Variants in BRI3BP observed in about 807,000 individuals in gnomAD.
BRI3BP encodes the protein BRI3-binding protein.
BRI3BP carries 7 observed loss-of-function variants against 15.8 expected under a neutral mutation model. The observed-to-expected ratio is 0.44, with a 90% CI of 0.25 to 0.83. The LOEUF is 0.83. BRI3BP is among the 40% of genes least tolerant of loss of function. The probability of loss-of-function intolerance (pLI) is 0.20; values close to 1 mark genes in which losing one functional copy is unlikely to be tolerated. For missense variants in BRI3BP, 320 were observed against 339.3 expected, an observed-to-expected ratio of 0.94 and a Z score of 0.45; for synonymous variants, 192 against 163.5, an observed-to-expected ratio of 1.17 and a Z score of -1.33.
Position 124,993,930 on chromosome 12 carries a change from G to A in BRI3BP, c.140G>A (p.Arg47His). Residue 47 changes from arginine (R) to histidine (H), a missense_variant, in exon 1 of 3, where the codon CGC becomes CAC. Physicochemically the swap from Arg to His is conservative, Grantham distance 29 (BLOSUM62 0). Coordinates refer to ENST00000341446, the MANE Select transcript of BRI3BP (RefSeq NM_080626.6). ...GRGGAEKNSY[R>H]RTVNTFSQSV... ...GGCGGCGCGGAGAAGAACAGCTACC[G>A]CCGCACGGTCAACACCTTCTCCCAG... The A allele has an allele frequency of 7.4e-7, 1 of 1,349,122 alleles. No homozygotes were observed. 83.6% of individuals were successfully genotyped at this position (1,349,122 alleles called of 1,614,324 possible).
At chr12:125,049,441 C>A in the BRI3BP span, among the ~76,000 whole-genome samples, 3 of 152,012 alleles carry the variant, frequency 2.0e-5, no homozygotes, top group Non-Finnish European at 4.4e-5. Context: ...AATAAACATC[C>A]CCCAGGTACT....
In BRI3BP at chr12:125,030,830, T is replaced by G. The variant is rs773242770; in HGVS notation, c.*5400T>G. The G allele has an allele frequency of 2.6e-5, 4 of 152,226 alleles. No homozygotes were observed. Among genetic ancestry groups the G allele is most frequent in the Non-Finnish European group, 4.4e-5 (3 of 68,052 alleles). The allele number at this position is 152,226 out of a possible 1,614,324, so 9.4% of individuals were successfully genotyped here. A position where few individuals can be genotyped will look rare whatever the true frequency, so the allele number is the denominator to read the frequency against. The stretch of plus-strand genomic sequence containing the variant: ...TTAACTGGAAATCACACTTGTGAGG[T>G]ATGGTATCCATTATCAACAGTGGAT... On this transcript the variant is annotated 3_prime_UTR_variant, in exon 3 of 3. Coordinates refer to ENST00000341446, the MANE Select transcript of BRI3BP (RefSeq NM_080626.6).
At position 125,022,541 on chromosome 12, in the gene BRI3BP, A is replaced by ATTTATTTATTTATTTATTTT; in HGVS notation, c.317-2447_317-2446insATTTATTTATTTATTTTTTT. ...TTATTATTTATTTATTTATTTATTTATTTTTTGAGACAGAGCCTCACTGTG... is the reference window on the plus strand; with the variant it reads ...TTATTATTTATTTATTTATTTATTTATTTATTTATTTATTTATTTTTTTTTTGAGACAGAGCCTCACTGTG... On this transcript the variant is annotated intron_variant, in intron 2 of 2. Transcript: ENST00000341446. Among the ~76,000 whole-genome samples the ATTTATTTATTTATTTATTTT allele has an allele frequency of 6.4e-3, 899 of 139,410 alleles. 15 individuals are homozygous for ATTTATTTATTTATTTATTTT. Among genetic ancestry groups the ATTTATTTATTTATTTATTTT allele is most frequent in the African/African-American group, 0.024 (842 of 34,508 alleles). 91.5% of individuals were successfully genotyped at this position (139,410 alleles called of 152,430 possible).
chr12:125,048,508 C>T, the BRI3BP span, among the ~76,000 whole-genome samples: 2 of 149,482 alleles, frequency 1.3e-5, no homozygotes, highest in Non-Finnish European at 3.0e-5. Flanking sequence ...AATGAGAACA[C>T]ATGGACACAG....
chr12:125,001,721 T>C (rs1239909258), intron 1 of BRI3BP, among the ~76,000 whole-genome samples: 1 of 134,626 alleles, frequency 7.4e-6, no homozygotes, highest in Non-Finnish European at 1.6e-5. Context: ...GATCACAGAC[T>C]AAATGTCTTT....
chr12:125,003,003 CTG>C (rs1955109122), intron 1 of BRI3BP, among the ~76,000 whole-genome samples: 1 of 152,184 alleles, frequency 6.6e-6, no homozygotes, highest in Non-Finnish European at 1.5e-5. Context: ...CCTTTCCCCT[CTG>C]TGGTTCATAC....
chr12:124,996,484 C>G (rs1047625285), intron 1 of BRI3BP, among the ~76,000 whole-genome samples: 2 of 151,762 alleles, frequency 1.3e-5, no homozygotes, highest in East Asian at 3.9e-4. Context: ...CCACCACATC[C>G]GGCTAATTTT....
intron 1 of BRI3BP, among the ~76,000 whole-genome samples, chr12:124,994,809 G>A (rs1955027345): frequency 6.6e-6 from 1 of 152,210 alleles, no homozygotes; most frequent in Non-Finnish European, 1.5e-5. Context: ...TCCCTGGGGA[G>A]GAGGGGGCTC....
the BRI3BP span, among the ~76,000 whole-genome samples, chr12:125,049,199 G>A: frequency 1.3e-5 from 2 of 152,062 alleles, no homozygotes; most frequent in Admixed American, 6.6e-5. Context: ...CTGACCTCAG[G>A]TGGGCCACCG....
rs58016016 is a variant in BRI3BP at position 125,016,825 on chromosome 12, C to CTTTTTTTT, written c.316+4209_316+4216dup. On this transcript the variant is annotated intron_variant, in intron 2 of 2. Transcript: ENST00000341446. ...ACGGGCATGAGCCACTGCGCCCAGC[C>CTTTTTTTT]TTTTTTTTTTTTTTTTTTTTTTTTT... Among the ~76,000 whole-genome samples, 239 of 39,800 alleles carry CTTTTTTTT rather than the reference C, an allele frequency of 6.0e-3. 37 individuals are homozygous for CTTTTTTTT. The highest frequency in any genetic ancestry group is 7.8e-3 in the Non-Finnish European group (173 of 22,188). The allele number at this position is 39,800 out of a possible 152,430, so 26.1% of individuals were successfully genotyped here.
At chr12:125,016,552 GTCTC>G (rs1955245930) in intron 2 of BRI3BP, among the ~76,000 whole-genome samples, 1 of 151,788 alleles carries the variant, frequency 6.6e-6, no homozygotes, top group African/African-American at 2.4e-5. Flanking sequence ...GAGGGACGAA[GTCTC>G]ACTCTATTGC....
chr12:125,044,741 C>T, the BRI3BP span, among the ~76,000 whole-genome samples: 138 of 152,184 alleles, frequency 9.1e-4, no homozygotes, highest in Admixed American at 1.6e-3. Flanking sequence ...TGAGCCACCG[C>T]ACCTGTCCCA....
At chr12:125,045,247 G>A in the BRI3BP span, among the ~76,000 whole-genome samples, 11 of 152,188 alleles carry the variant, frequency 7.2e-5, no homozygotes, top group African/African-American at 2.7e-4. Context: ...ACCACTTTGC[G>A]TAAGAAATGG....
At chr12:125,022,977 AT>A (rs1461398646) in intron 2 of BRI3BP, among the ~76,000 whole-genome samples, 1 of 152,170 alleles carries the variant, frequency 6.6e-6, no homozygotes, top group Non-Finnish European at 1.5e-5. Context: ...ATTTTTAATA[AT>A]TGTTCAGTCT....
chr12:125,016,768 C>T lies in BRI3BP; in HGVS notation c.316+4132C>T, dbSNP rs1236341938. Among the ~76,000 whole-genome samples, 7 of 150,420 alleles carry T rather than the reference C, an allele frequency of 4.7e-5. No individual in the cohort carries two copies. In the East Asian group the frequency reaches 5.9e-4, roughly 13 times the overall value. On this transcript the variant is annotated intron_variant, in intron 2 of 2. Coordinates refer to ENST00000341446, the MANE Select transcript of BRI3BP (RefSeq NM_080626.6). ...GTCTTGAGCTCCTGACCTCGTGATC[C>T]GCCCGCCTCAGCCTCCCAAAGTGCT...
At chr12:125,009,693 T>C (rs906716847) in intron 1 of BRI3BP, among the ~76,000 whole-genome samples, 1 of 152,088 alleles carries the variant, frequency 6.6e-6, no homozygotes, top group African/African-American at 2.4e-5. Context: ...CACCTCAGCC[T>C]CCCAAAGTGC....
intron 2 of BRI3BP, among the ~76,000 whole-genome samples, chr12:125,019,854 T>C (rs1342154068): frequency 6.6e-6 from 1 of 151,942 alleles, no homozygotes; most frequent in Non-Finnish European, 1.5e-5. Flanking sequence ...TTAGAAACAG[T>C]TGCTTTTTGT....
At chr12:125,036,879 T>C in the BRI3BP span, among the ~76,000 whole-genome samples, 1 of 152,196 alleles carries the variant, frequency 6.6e-6, no homozygotes, top group African/African-American at 2.4e-5. Flanking sequence ...AGAAGGTGGC[T>C]GTTTTTTAAC....
chr12:125,014,467 A>G (rs1484870979), intron 2 of BRI3BP, among the ~76,000 whole-genome samples: 1 of 152,230 alleles, frequency 6.6e-6, no homozygotes, highest in Non-Finnish European at 1.5e-5. Flanking sequence ...AAACACCATC[A>G]GCAAAGGGAA....
Sources: gnomAD v4.1 joint callset for allele counts (sites outside exome capture counted in the v4.1 genomes callset) on GRCh38, gnomAD v4.1.1 for gene constraint, MANE v1.5 for transcripts, NCBI Gene and HGNC (gene_info 2026-07-23, HGNC 2026-07-21) for gene names.